The following WNT2B variants were observed in gnomAD, a reference collection of about 807,000 sequenced individuals.
The protein encoded by WNT2B is Wnt family member 2B.
A neutral mutation model predicts 40.5 loss-of-function variants in WNT2B; 19 were observed. The observed-to-expected ratio is 0.47, with a 90% CI of 0.33 to 0.69. The LOEUF is 0.69. Ranked by LOEUF, WNT2B falls within the 30% of genes least tolerant of loss-of-function variation. The pLI is 0.02. For missense variants in WNT2B, 467 were observed against 556.4 expected, an observed-to-expected ratio of 0.84 and a Z score of 1.62; for synonymous variants, 220 against 211.9, an observed-to-expected ratio of 1.04 and a Z score of -0.33.
At position 112,520,350 on chromosome 1, in the gene WNT2B, C is replaced by T. The variant is rs371343411; in HGVS notation, c.1017C>T (p.Cys339=). The T allele has an allele frequency of 8.7e-6, 14 of 1,614,038 alleles. No homozygotes were observed. In the African/African-American group the frequency reaches 1.7e-4, roughly 20 times the overall value. The part of the protein sequence containing the change: ...SKGTDGCEIM[C]CGRGYDTTRV... The stretch of plus-strand genomic sequence containing the variant: ...GAACAGACGGTTGTGAAATCATGTG[C>T]TGTGGCCGAGGGTACGACACAACTC... The change falls in exon 5 of 5, where the codon TGC becomes TGT. Residue 339 remains cysteine (C), a synonymous_variant. Coordinates refer to ENST00000369684, the MANE Select transcript of WNT2B (RefSeq NM_024494.3).
intron 1 of WNT2B, among the ~76,000 whole-genome samples, chr1:112,488,692 C>T (rs185809996): frequency 8.9e-4 from 136 of 152,036 alleles, no homozygotes; most frequent in African/African-American, 2.9e-3. Flanking sequence ...GCTGGGACTA[C>T]AGGCGCTCGC....
chr1:112,520,281 T>G lies in WNT2B; in HGVS notation c.948T>G (p.Gly316=), dbSNP rs756575329. ...PDYCVLDKAA[G]SLGTAGRVCS... ...CACTCCCTCTCTTCCCCAACCCAGG[T>G]TCCCTAGGCACTGCAGGCCGTGTCT... Residue 316 remains glycine, a splice_region_variant and synonymous_variant, in exon 5 of 5, where the codon GGT becomes GGG. Transcript: ENST00000369684. 6.2e-7 allele frequency: 1 copy of G among 1,613,470 alleles called. No homozygotes were observed. Among genetic ancestry groups the G allele is most frequent in the South Asian group, 1.1e-5 (1 of 90,916 alleles).
chr1:112,494,472 A>C (rs1420205396), intron 1 of WNT2B, among the ~76,000 whole-genome samples: 2 of 151,416 alleles, frequency 1.3e-5, no homozygotes, highest in Admixed American at 6.6e-5. Context: ...GGGCTCCAGC[A>C]ATCATCCTGC....
rs143921275 is a variant in WNT2B at position 112,509,548 on chromosome 1, GT to G, written c.182+106del. 7.2e-3 allele frequency: 9,351 copies of G among 1,307,012 alleles called. 546 individuals are homozygous for G. The African/African-American group carries it at 0.13, about 18-fold the overall frequency. 81.0% of individuals were successfully genotyped at this position (1,307,012 alleles called of 1,614,324 possible). A position where few individuals can be genotyped will look rare whatever the true frequency, so the allele number is the denominator to read the frequency against. ...CGGGACCAGGCTGTTGCTTCGACGG[GT>G]TGGAGACGATTCGGGCAGGACTGTC... On this transcript the variant is annotated intron_variant, in intron 1 of 4. Coordinates refer to ENST00000369684, the MANE Select transcript of WNT2B (RefSeq NM_024494.3). The surrounding 1 kb of genome is among the most constrained non-coding windows in gnomAD (Gnocchi z 4.2).
Position 112,525,749 on chromosome 1 carries a change from T to TA in WNT2B, c.*5242dup, listed in dbSNP as rs1253944237. Reference sequence around the variant, plus strand: ...TTGACTTCAACCCCAACAGCCCCTGTAAGTAGCCCTGGCCAAACAGAAAGG... The same window carrying TA: ...TTGACTTCAACCCCAACAGCCCCTGTAAAGTAGCCCTGGCCAAACAGAAAGG... On this transcript the variant is annotated 3_prime_UTR_variant, in exon 5 of 5. Transcript: ENST00000369684. The TA allele has an allele frequency of 1.2e-5, 4 of 345,272 alleles. No homozygotes were observed. The East Asian group carries it at 2.1e-4, about 18-fold the overall frequency. 21.4% of individuals were successfully genotyped at this position (345,272 alleles called of 1,614,324 possible).
intron 1 of WNT2B, among the ~76,000 whole-genome samples, chr1:112,492,685 T>A (rs1009744155): frequency 6.6e-6 from 1 of 152,188 alleles, no homozygotes; most frequent in Non-Finnish European, 1.5e-5. Flanking sequence ...TTATTATTAC[T>A]TTTTTTGCAG....
At position 112,524,848 on chromosome 1, in the gene WNT2B, TAAAAA is replaced by T. The variant is rs201567045; in HGVS notation, c.*4345_*4349del. The T allele has an allele frequency of 2.1e-5, 3 of 146,110 alleles. No individual in the cohort carries two copies. Among genetic ancestry groups the T allele is most frequent in the African/African-American group, 7.6e-5 (3 of 39,714 alleles). 9.1% of individuals were successfully genotyped at this position (146,110 alleles called of 1,614,324 possible). A position where few individuals can be genotyped will look rare whatever the true frequency, so the allele number is the denominator to read the frequency against. On this transcript the variant is annotated 3_prime_UTR_variant, in exon 5 of 5. Coordinates refer to ENST00000369684, the MANE Select transcript of WNT2B (RefSeq NM_024494.3). Reference sequence around the variant, plus strand: ...TGCTCATCCTCCTCTCCCCAACAATTAAAAAAAAAAGCAATTAGATTTCGATCCAG... The same window carrying T: ...TGCTCATCCTCCTCTCCCCAACAATTAAAAAGCAATTAGATTTCGATCCAG...
exon 1 of WNT2B, chr1:112,467,140 A>G (rs1051365673): frequency 3.5e-5 from 6 of 171,976 alleles, no homozygotes. Flanking sequence ...GAAGAAGAGA[A>G]TGAAGGGCAT....
intron 1 of WNT2B, among the ~76,000 whole-genome samples, chr1:112,473,026 GGAGGGAGAAA>G (rs1650931580): frequency 3.1e-5 from 4 of 129,952 alleles, no homozygotes; most frequent in African/African-American, 1.2e-4. Context: ...AGAGAGGGAA[GGAGGGAGAAA>G]GGGAGAGGGA....
rs1230823692 is a variant in WNT2B at position 112,522,962 on chromosome 1, T to C, written c.*2453T>C. Reference sequence around the variant, plus strand: ...GGGTAGTGGAGAGGTAAGGGGGTCATGGTCAGTCTGAACTCAACAATAGGG... The same window carrying C: ...GGGTAGTGGAGAGGTAAGGGGGTCACGGTCAGTCTGAACTCAACAATAGGG... On this transcript the variant is annotated 3_prime_UTR_variant, in exon 5 of 5. Transcript: ENST00000369684. 1 of 152,186 alleles carries C rather than the reference T, an allele frequency of 6.6e-6. No homozygotes were observed. The highest frequency in any genetic ancestry group is 1.5e-5 in the Non-Finnish European group (1 of 68,064). 9.4% of individuals were successfully genotyped at this position (152,186 alleles called of 1,614,324 possible).
intron 1 of WNT2B, among the ~76,000 whole-genome samples, chr1:112,485,098 A>T (rs1386075733): frequency 6.6e-6 from 1 of 152,228 alleles, no homozygotes; most frequent in Admixed American, 6.5e-5. Flanking sequence ...ACATAACCAA[A>T]ACAACTTTGA....
At chr1:112,520,207 A>C (rs1652792245) in intron 4 of WNT2B, 73 bp from the exon 5 acceptor site, 1 of 1,414,996 alleles carries the variant, frequency 7.1e-7, no homozygotes, top group African/African-American at 1.4e-5. Flanking sequence ...CTTCCTTCTG[A>C]GAATGTGGTT....
At chr1:112,483,410 A>ACTG (rs1651292242) in intron 1 of WNT2B, among the ~76,000 whole-genome samples, 2 of 152,148 alleles carry the variant, frequency 1.3e-5, no homozygotes, top group Non-Finnish European at 2.9e-5. Flanking sequence ...TGTTGGAAAA[A>ACTG]CTGGATATAC....
At chr1:112,498,885 G>C (rs530402350) in intron 1 of WNT2B, among the ~76,000 whole-genome samples, 2 of 151,986 alleles carry the variant, frequency 1.3e-5, no homozygotes, top group African/African-American at 4.8e-5. Context: ...CTTCAAAACC[G>C]TTCCAGCCTC....
chr1:112,477,137 A>G (rs1441199266), intron 1 of WNT2B, among the ~76,000 whole-genome samples: 1 of 152,234 alleles, frequency 6.6e-6, no homozygotes, highest in African/African-American at 2.4e-5. Context: ...GGGGTAGTCA[A>G]TAATAATTTA....
chr1:112,475,394 G>T (rs1651023951), intron 1 of WNT2B, among the ~76,000 whole-genome samples: 1 of 152,104 alleles, frequency 6.6e-6, no homozygotes, highest in Admixed American at 6.6e-5. Flanking sequence ...ATCAAAAAAT[G>T]GTAGGCATAT....
chr1:112,491,688 C>G (rs1292299914), intron 1 of WNT2B, among the ~76,000 whole-genome samples: 1 of 151,982 alleles, frequency 6.6e-6, no homozygotes, highest in Non-Finnish European at 1.5e-5. Flanking sequence ...GGGTTCAAGA[C>G]CAACCTATTC....
Position 112,511,415 on chromosome 1 carries a change from G to A in WNT2B, c.182+1971G>A, listed in dbSNP as rs1652345936. ...CCTGCCTCAGTGATCACCACTTGTG[G>A]GATAAGGTGAAAAGCTACCTTCTAA... On this transcript the variant is annotated intron_variant, in intron 1 of 4. Transcript: ENST00000369684. Among the ~76,000 whole-genome samples the A allele has an allele frequency of 2.0e-5, 3 of 152,226 alleles. No homozygotes were observed. The South Asian group carries it at 6.2e-4, about 32-fold the overall frequency.
chr1:112,507,974 T>C (rs1366948868), upstream of WNT2B, among the ~76,000 whole-genome samples: 6 of 152,086 alleles, frequency 3.9e-5, no homozygotes, highest in African/African-American at 1.2e-4. Context: ...GAGAGTCTCT[T>C]TCGGCAGACT....
Sources: gnomAD v4.1 joint callset for allele counts (sites outside exome capture counted in the v4.1 genomes callset) on GRCh38, gnomAD v4.1.1 for gene constraint, Gnocchi (gnomAD v3.1) non-coding constraint, MANE v1.5 for transcripts, NCBI Gene and HGNC (gene_info 2026-07-23, HGNC 2026-07-21) for gene names.